Variants in SLC16A13 observed in about 807,000 individuals in gnomAD.
SLC16A13 encodes solute carrier family 16 member 13, also known as monocarboxylate transporter 13.
In SLC16A13, 28 loss-of-function variants were observed where a neutral mutation model predicts 28.1. That is an observed-to-expected ratio of 1.00 (90% CI 0.74 to 1.37). The LOEUF (loss-of-function observed/expected upper bound fraction) is 1.37. Ranked by LOEUF, SLC16A13 falls within the 40% of genes most tolerant of loss-of-function variation. SLC16A13 has a pLI of 0.00. For missense variants in SLC16A13, 482 were observed against 531.8 expected (o/e 0.91, Z 0.92); for synonymous variants, 228 against 241.6 (o/e 0.94, Z 0.52).
chr17:7,037,948 A>G (rs564120801), intron 2 of SLC16A13, among the ~76,000 whole-genome samples: 46 of 152,314 alleles, frequency 3.0e-4, no homozygotes, highest in African/African-American at 1.1e-3. Flanking sequence ...GTATTATTAC[A>G]TTTTGCAGTT....
Position 7,036,485 on chromosome 17 carries a change from G to T in SLC16A13, c.103G>T (p.Gly35Trp), listed in dbSNP as rs767009537. 2.5e-6 allele frequency: 4 copies of T among 1,612,474 alleles called. No individual in the cohort carries two copies. The Admixed American group carries it at 6.7e-5, about 27-fold the overall frequency. ...ALVFGVLRSFGVFFVEFVAAF... is the reference protein window; with the variant it reads ...ALVFGVLRSFWVFFVEFVAAF... ...TGTGTTTGGGGTGCTCCGCTCCTTTGGGGTCTTCTTCGTGGAGTTTGTGGC... is the reference window on the plus strand; with the variant it reads ...TGTGTTTGGGGTGCTCCGCTCCTTTTGGGTCTTCTTCGTGGAGTTTGTGGC... Residue 35 changes from glycine to tryptophan, a missense_variant, in exon 1 of 4, where the codon GGG becomes TGG. Gly to Trp is a radical substitution (Grantham distance 184). Coordinates refer to ENST00000308027, the MANE Select transcript of SLC16A13 (RefSeq NM_201566.3).
chr17:7,036,672 A>C, intron 1 of SLC16A13, 55 bp from the exon 2 acceptor site: 1 of 1,607,010 alleles, frequency 6.2e-7, no homozygotes, highest in Non-Finnish European at 8.5e-7. Flanking sequence ...GGGGCGGGAG[A>C]TGCTGGGGGG....
Position 7,036,331 on chromosome 17 carries a change from G to C in SLC16A13, c.-52G>C. The C allele has an allele frequency of 1.3e-6, 2 of 1,550,152 alleles. No individual in the cohort carries two copies. The highest frequency in any genetic ancestry group is 1.7e-6 in the Non-Finnish European group (2 of 1,148,302). On this transcript the variant is annotated 5_prime_UTR_variant, in exon 1 of 4. Coordinates refer to ENST00000308027, the MANE Select transcript of SLC16A13 (RefSeq NM_201566.3). Reference sequence around the variant, plus strand: ...TGGGTGTGCAGAGGTGCGGCGTCCAGAACCCGGCTCCTGCAGAGGCTCTGG... The same window carrying C: ...TGGGTGTGCAGAGGTGCGGCGTCCACAACCCGGCTCCTGCAGAGGCTCTGG...
rs1910592449 is a variant in SLC16A13, at chr17:7,036,743, C to T, written c.216C>T (p.Ala72=). 1.2e-6 allele frequency: 2 copies of T among 1,613,050 alleles called. No individual in the cohort carries two copies. The highest frequency in any genetic ancestry group is 1.3e-5 in the African/African-American group (1 of 74,946). ...VQQFGSPVGS[A]LSTKFGPRPV... ...CTTCCTCAGGCCCGGTAGGCAGTGC[C>T]CTGAGCACGAAGTTCGGGCCCAGGC... Residue 72 remains alanine, a synonymous_variant, in exon 2 of 4, where the codon GCC becomes GCT. Coordinates refer to ENST00000308027, the MANE Select transcript of SLC16A13 (RefSeq NM_201566.3).
In SLC16A13 at chr17:7,038,669, G is replaced by T; in HGVS notation, c.861G>T (p.Trp287Cys). 1 of 1,614,174 alleles carries T rather than the reference G, an allele frequency of 6.2e-7. No homozygotes were observed. The highest frequency in any genetic ancestry group is 8.5e-7 in the Non-Finnish European group (1 of 1,180,028). Residue 287 changes from tryptophan (W) to cysteine (C), a missense_variant, in exon 3 of 4, where the codon TGG becomes TGT. Transcript: ENST00000308027. The surrounding 1 kb of genome is among the most constrained non-coding windows in gnomAD (Gnocchi z 5.7). ...PGPVTRLLML[W>C]TTLTGVSLAL... ...CTGTGACACGACTCCTGATGCTCTG[G>T]ACCACCTTGACTGGGGTGTCACTAG...
At position 7,036,761 on chromosome 17, in the gene SLC16A13, G is replaced by T; in HGVS notation, c.234G>T (p.Gly78=). ...GCAGTGCCCTGAGCACGAAGTTCGG[G>T]CCCAGGCCCGTGGTGATGACTGGAG... ...PVGSALSTKF[G]PRPVVMTGGI... is the part of the protein sequence containing the mutation. The change falls in exon 2 of 4, where the codon GGG becomes GGT. Residue 78 remains glycine (G), a synonymous_variant. Coordinates refer to ENST00000308027, the MANE Select transcript of SLC16A13 (RefSeq NM_201566.3). 6.2e-7 allele frequency: 1 copy of T among 1,613,584 alleles called. No individual in the cohort carries two copies. Among genetic ancestry groups the T allele is most frequent in the Non-Finnish European group, 8.5e-7 (1 of 1,180,042 alleles).
rs749131269 is a variant in SLC16A13 at position 7,036,461 on chromosome 17, G to T, written c.79G>T (p.Val27Leu). 6.2e-7 allele frequency: 1 copy of T among 1,612,376 alleles called. No homozygotes were observed. Among genetic ancestry groups the T allele is most frequent in the Admixed American group, 1.7e-5 (1 of 60,032 alleles). ...CTCAGCGTTCTTCCAGTCGGCGCTT[G>T]TGTTTGGGGTGCTCCGCTCCTTTGG... is the stretch of plus-strand genomic sequence containing the variant. ...VLSAFFQSAL[V>L]FGVLRSFGVF... The change falls in exon 1 of 4, where the codon GTG becomes TTG. Residue 27 changes from valine to leucine, a missense_variant. Coordinates refer to ENST00000308027, the MANE Select transcript of SLC16A13 (RefSeq NM_201566.3).
Position 7,036,140 on chromosome 17 carries a change from A to G in SLC16A13, c.-243A>G. ...ACTAGCTCAGCTCCGAGCTCGCGGA[A>G]CCACGCCCCCGGGAGACTCTGGCCC... On this transcript the variant is annotated 5_prime_UTR_variant, in exon 1 of 4. Coordinates refer to ENST00000308027, the MANE Select transcript of SLC16A13 (RefSeq NM_201566.3). The G allele has an allele frequency of 2.2e-6, 1 of 450,394 alleles. No individual in the cohort carries two copies. The highest frequency in any genetic ancestry group is 4.0e-6 in the Non-Finnish European group (1 of 252,962). The allele number at this position is 450,394 out of a possible 1,614,324, so 27.9% of individuals were successfully genotyped here.
intron 1 of SLC16A13, 46 bp from the exon 2 acceptor site, chr17:7,036,681 G>C (rs768259300): frequency 1.2e-6 from 2 of 1,607,514 alleles, no homozygotes; most frequent in Non-Finnish European, 1.7e-6. Context: ...GATGCTGGGG[G>C]GGAGACCCCT....
Position 7,036,100 on chromosome 17 carries a change from C to A in SLC16A13, c.-283C>A. ...AGCCGAACACCGAACCGGGACCGAT[C>A]CGGCCCCGGCTTGAACTAGCTCAGC... On this transcript the variant is annotated 5_prime_UTR_variant, in exon 1 of 4. Transcript: ENST00000308027. 1 of 365,596 alleles carries A rather than the reference C, an allele frequency of 2.7e-6. No homozygotes were observed. The highest frequency in any genetic ancestry group is 5.0e-6 in the Non-Finnish European group (1 of 201,312). 22.6% of individuals were successfully genotyped at this position (365,596 alleles called of 1,614,324 possible). A position where few individuals can be genotyped will look rare whatever the true frequency, so the allele number is the denominator to read the frequency against.
At position 7,036,122 on chromosome 17, in the gene SLC16A13, C is replaced by T. The variant is rs1170976936; in HGVS notation, c.-261C>T. The T allele has an allele frequency of 2.3e-5, 10 of 443,860 alleles. No individual in the cohort carries two copies. Among genetic ancestry groups the T allele is most frequent in the Middle Eastern group, 1.2e-3 (2 of 1,702 alleles). 27.5% of individuals were successfully genotyped at this position (443,860 alleles called of 1,614,324 possible). On this transcript the variant is annotated 5_prime_UTR_variant, in exon 1 of 4. Transcript: ENST00000308027. ...GATCCGGCCCCGGCTTGAACTAGCT[C>T]AGCTCCGAGCTCGCGGAACCACGCC...
In SLC16A13 at chr17:7,039,337, G is replaced by A. The variant is rs1012859283; in HGVS notation, c.1082-426G>A. Among the ~76,000 whole-genome samples, 7 of 152,104 alleles carry A rather than the reference G, an allele frequency of 4.6e-5. No individual in the cohort carries two copies. Among genetic ancestry groups the A allele is most frequent in the Admixed American group, 2.6e-4 (4 of 15,274 alleles). On this transcript the variant is annotated intron_variant, in intron 3 of 3. Transcript: ENST00000308027. This position sits in a 1 kb window ranked among gnomAD's most constrained non-coding sequence, Gnocchi z 4.3. ...GAAAGGCCACAGTTGGTGGGCGCCT[G>A]TAGTCCCAGCTACTCAGGAGGCTGA...
At chr17:7,037,793 A>G (rs1910624215) in intron 2 of SLC16A13, among the ~76,000 whole-genome samples, 1 of 152,166 alleles carries the variant, frequency 6.6e-6, no homozygotes, top group Non-Finnish European at 1.5e-5. Flanking sequence ...TATTGGATTT[A>G]CAGCTGGGGA....
Position 7,039,841 on chromosome 17 carries a change from T to G in SLC16A13, c.1160T>G (p.Ile387Ser). The change falls in exon 4 of 4, where the codon ATT becomes AGT. Residue 387 changes from isoleucine to serine, a missense_variant. Transcript: ENST00000308027. This position sits in a 1 kb window ranked among gnomAD's most constrained non-coding sequence, Gnocchi z 4.3. ...AGAFLLSGSG[I>S]LLTLPHFFCF... ...GCCTTCCTTCTTTCAGGGAGTGGCA[T>G]TCTCCTCACCCTGCCCCACTTCTTC... 2.5e-6 allele frequency: 4 copies of G among 1,614,146 alleles called. No individual in the cohort carries two copies. The highest frequency in any genetic ancestry group is 3.4e-6 in the Non-Finnish European group (4 of 1,180,028).
Position 7,036,174 on chromosome 17 carries a change from C to T in SLC16A13, c.-209C>T. The T allele has an allele frequency of 3.8e-6, 2 of 523,034 alleles. No homozygotes were observed. The highest frequency in any genetic ancestry group is 6.7e-6 in the Non-Finnish European group (2 of 298,094). The allele number at this position is 523,034 out of a possible 1,614,324, so 32.4% of individuals were successfully genotyped here. Reference sequence around the variant, plus strand: ...CCGGGAGACTCTGGCCCGGCCAGCGCGGGCCAGGTCTTCAGTCCTATATCG... The same window carrying T: ...CCGGGAGACTCTGGCCCGGCCAGCGTGGGCCAGGTCTTCAGTCCTATATCG... On this transcript the variant is annotated 5_prime_UTR_variant, in exon 1 of 4. Transcript: ENST00000308027.
In SLC16A13 at chr17:7,038,383, C is replaced by T. The variant is rs761677313; in HGVS notation, c.575C>T (p.Pro192Leu). ...GCCTGTGGTGCTCTCCTCCGCCCAC[C>T]CTCCCTGGCTGAGGACCCTGCTGTG... ...LVACGALLRPPSLAEDPAVGG... is the reference protein window; with the variant it reads ...LVACGALLRPLSLAEDPAVGG... The change falls in exon 3 of 4, where the codon CCC becomes CTC. Residue 192 changes from proline (P) to leucine (L), a missense_variant. By Grantham distance (98) the Pro-to-Leu change is moderately conservative (BLOSUM62 -3). Coordinates refer to ENST00000308027, the MANE Select transcript of SLC16A13 (RefSeq NM_201566.3). The surrounding 1 kb of genome is among the most constrained non-coding windows in gnomAD (Gnocchi z 5.7). 5 of 1,613,954 alleles carry T rather than the reference C, an allele frequency of 3.1e-6. No homozygotes were observed. In the African/African-American group the frequency reaches 5.3e-5, roughly 17 times the overall value.
rs1420305843 is a variant in SLC16A13 at position 7,038,520 on chromosome 17, G to T, written c.712G>T (p.Val238Leu). ...TGYFIPYLHL[V>L]AHLQDLDWDP... is the part of the protein sequence containing the mutation. The stretch of plus-strand genomic sequence containing the variant: ...CTACTTCATTCCCTACCTCCACCTG[G>T]TGGCCCATCTCCAGGACCTGGATTG... Residue 238 changes from valine (V) to leucine (L), a missense_variant, in exon 3 of 4, where the codon GTG becomes TTG. Coordinates refer to ENST00000308027, the MANE Select transcript of SLC16A13 (RefSeq NM_201566.3). This position sits in a 1 kb window ranked among gnomAD's most constrained non-coding sequence, Gnocchi z 5.7. 6.2e-7 allele frequency: 1 copy of T among 1,614,012 alleles called. No individual in the cohort carries two copies. Among genetic ancestry groups the T allele is most frequent in the Non-Finnish European group, 8.5e-7 (1 of 1,180,040 alleles).
rs1910670639 is a variant in SLC16A13 at position 7,039,672 on chromosome 17, A to G, written c.1082-91A>G. The G allele has an allele frequency of 4.5e-6, 6 of 1,344,756 alleles. No individual in the cohort carries two copies. The highest frequency in any genetic ancestry group is 1.8e-5 in the Admixed American group (1 of 54,586). The allele number at this position is 1,344,756 out of a possible 1,614,324, so 83.3% of individuals were successfully genotyped here. On this transcript the variant is annotated intron_variant, in intron 3 of 3. Coordinates refer to ENST00000308027, the MANE Select transcript of SLC16A13 (RefSeq NM_201566.3). This position sits in a 1 kb window ranked among gnomAD's most constrained non-coding sequence, Gnocchi z 4.3. ...TGGGAGTTCCAACTCCTCTGAGATG[A>G]TAAGTCTTCCCTCCACCCAAAAATG...
rs573586089 is a variant in SLC16A13 at position 7,036,619 on chromosome 17, C to G, written c.199+38C>G. ...CCTGGATCTGGCGGACTGCGACCCT[C>G]GGAAGGGAGAGGGAATGCGGCGACT... On this transcript the variant is annotated intron_variant, in intron 1 of 3. Coordinates refer to ENST00000308027, the MANE Select transcript of SLC16A13 (RefSeq NM_201566.3). 7 of 1,611,116 alleles carry G rather than the reference C, an allele frequency of 4.3e-6. No homozygotes were observed. The African/African-American group carries it at 8.0e-5, about 18-fold the overall frequency.
Sources: allele counts gnomAD v4.1 joint callset (sites outside exome capture counted in the v4.1 genomes callset), GRCh38; gene constraint gnomAD v4.1.1; non-coding constraint Gnocchi (gnomAD v3.1); transcripts MANE v1.5; gene names NCBI Gene and HGNC (gene_info 2026-07-23, HGNC 2026-07-21).